The following PHC2 variants were observed in gnomAD, a reference collection of about 807,000 sequenced individuals.
The protein encoded by PHC2 is polyhomeotic-like protein 2.
PHC2 carries 29 observed loss-of-function variants against 87.4 expected under a neutral mutation model. The observed-to-expected ratio is 0.33, with a 90% CI of 0.25 to 0.45. The LOEUF is 0.45. Among genes scored for constraint, PHC2 ranks in the 20% least tolerant of loss-of-function variants. The probability of loss-of-function intolerance (pLI) is 1.00; values close to 1 mark genes in which losing one functional copy is unlikely to be tolerated. For missense variants in PHC2, 857 were observed against 1,136.7 expected (o/e 0.75, Z 3.54); for synonymous variants, 438 against 461.7 (o/e 0.95, Z 0.66).
intron 1 of PHC2, among the ~76,000 whole-genome samples, chr1:33,379,311 CCCCCCACT>C (rs1648349963): frequency 4.3e-5 from 4 of 92,610 alleles, no homozygotes; most frequent in East Asian, 4.7e-4. Context: ...GCCCCCCCAC[CCCCCCACT>C]GCCCCCCTGC....
At chr1:33,411,456 G>T (rs12742446) in intron 1 of PHC2, among the ~76,000 whole-genome samples, 103,859 of 150,390 alleles carry the variant, frequency 0.69, 36,302 homozygotes, top group African/African-American at 0.79. Context: ...GTTTTTTGTT[G>T]TTGTTGTTGT....
At chr1:33,350,152 G>A (rs1480860118) in intron 9 of PHC2, among the ~76,000 whole-genome samples, 6 of 151,760 alleles carry the variant, frequency 4.0e-5, no homozygotes, top group Non-Finnish European at 8.8e-5. Context: ...GGCGGCCCGC[G>A]ACTCCCGCCT....
At chr1:33,430,454 G>A (rs1650861955) in intron 1 of PHC2, among the ~76,000 whole-genome samples, 2 of 152,284 alleles carry the variant, frequency 1.3e-5, no homozygotes, top group South Asian at 4.1e-4. Flanking sequence ...GTCACGCCGC[G>A]GCTGGGGAGC....
intron 7 of PHC2, among the ~76,000 whole-genome samples, chr1:33,361,070 C>G (rs1337904849): frequency 4.6e-5 from 7 of 152,088 alleles, no homozygotes; most frequent in Admixed American, 4.6e-4. Flanking sequence ...CGCCAGGAGG[C>G]AGGGAGGAAA....
chr1:33,357,607 C>T (rs757713453), intron 7 of PHC2, among the ~76,000 whole-genome samples: 4 of 152,092 alleles, frequency 2.6e-5, no homozygotes, highest in Non-Finnish European at 2.9e-5. Flanking sequence ...GGGTTGATGG[C>T]GGAACCTTTG....
intron 7 of PHC2, among the ~76,000 whole-genome samples, chr1:33,357,320 G>T (rs911032564): frequency 3.9e-5 from 6 of 152,176 alleles, no homozygotes; most frequent in Non-Finnish European, 7.3e-5. Context: ...GTTAGGGGAG[G>T]TGCCTTCCTT....
intron 4 of PHC2, 46 bp downstream of exon 4, chr1:33,370,971 G>T: frequency 6.6e-7 from 1 of 1,506,232 alleles, no homozygotes; most frequent in East Asian, 2.3e-5. Context: ...TGGGCATTTT[G>T]GTCCTGGGGC....
At chr1:33,335,254 A>G (rs1268341418) in intron 9 of PHC2, 15 of 984,684 alleles carry the variant, frequency 1.5e-5, no homozygotes, top group Non-Finnish European at 1.8e-5. Flanking sequence ...GACGTGCAAG[A>G]CTTCATCTCC....
At chr1:33,413,676 T>C (rs1650072955) in intron 1 of PHC2, among the ~76,000 whole-genome samples, 2 of 152,216 alleles carry the variant, frequency 1.3e-5, no homozygotes, top group African/African-American at 4.8e-5. Context: ...AGGCTTGTCT[T>C]TGAGCAGCAG....
Position 33,332,232 on chromosome 1 carries a change from G to C in PHC2, c.1891+43C>G. The stretch of plus-strand genomic sequence containing the variant: ...GAAGTGTGTGAGGCCTGCCTTTCCA[G>C]CCACGCTGGGAGGCCGAGAGATTCA... On this transcript the variant is annotated intron_variant, in intron 11 of 14. Transcript: ENST00000683057. The surrounding 1 kb of genome is among the most constrained non-coding windows in gnomAD (Gnocchi z 4.2). The C allele has an allele frequency of 6.2e-7, 1 of 1,612,778 alleles. No homozygotes were observed. Among genetic ancestry groups the C allele is most frequent in the Middle Eastern group, 1.7e-4 (1 of 6,058 alleles).
intron 9 of PHC2, chr1:33,346,633 C>T: frequency 3.0e-6 from 3 of 985,374 alleles, no homozygotes; most frequent in South Asian, 4.7e-5. Flanking sequence ...ACTGGAGTCA[C>T]CAACCTATTC....
chr1:33,337,228 T>C (rs545843990), intron 9 of PHC2, among the ~76,000 whole-genome samples: 1 of 152,256 alleles, frequency 6.6e-6, no homozygotes, highest in African/African-American at 2.4e-5. Context: ...GCTTGAAAAT[T>C]TTCTATAATA....
In PHC2 at chr1:33,349,893, A is replaced by G; in HGVS notation, c.1558+4508T>C. ...CTCGAGGGCTGCAGCCGCCGCGGAG[A>G]CAATGCGGCGAGTCTGGGACGGCTC... On this transcript the variant is annotated intron_variant, in intron 9 of 14. Transcript: ENST00000683057. The surrounding 1 kb of genome is among the most constrained non-coding windows in gnomAD (Gnocchi z 4.2). The G allele has an allele frequency of 1.0e-6, 1 of 974,784 alleles. No homozygotes were observed. The highest frequency in any genetic ancestry group is 1.2e-6 in the Non-Finnish European group (1 of 824,924). 60.4% of individuals were successfully genotyped at this position (974,784 alleles called of 1,614,324 possible). A position where few individuals can be genotyped will look rare whatever the true frequency, so the allele number is the denominator to read the frequency against.
Position 33,324,318 on chromosome 1 carries a change from A to C in PHC2, c.*547T>G, listed in dbSNP as rs1646325816. 1 of 153,084 alleles carries C rather than the reference A, an allele frequency of 6.5e-6. No homozygotes were observed. Among genetic ancestry groups the C allele is most frequent in the Non-Finnish European group, 1.5e-5 (1 of 68,396 alleles). 9.5% of individuals were successfully genotyped at this position (153,084 alleles called of 1,614,324 possible). A position where few individuals can be genotyped will look rare whatever the true frequency, so the allele number is the denominator to read the frequency against. ...CGTTAAGGCGTCTGTGCCAGCAGGCACGGCCCGGCTGGGCCCAGCTTCTCT... is the reference window on the plus strand; with the variant it reads ...CGTTAAGGCGTCTGTGCCAGCAGGCCCGGCCCGGCTGGGCCCAGCTTCTCT... On this transcript the variant is annotated 3_prime_UTR_variant, in exon 15 of 15. Coordinates refer to ENST00000683057, the MANE Select transcript of PHC2 (RefSeq NM_001385109.1).
rs1042148021 is a variant in PHC2, at chr1:33,349,457, G to C, written c.1558+4944C>G. ...CACCTCCCAGGCGCCGCGCGGACGAGAGCCGCGACTGGCACGGCCTGGCAG... is the reference window on the plus strand; with the variant it reads ...CACCTCCCAGGCGCCGCGCGGACGACAGCCGCGACTGGCACGGCCTGGCAG... On this transcript the variant is annotated intron_variant, in intron 9 of 14. Transcript: ENST00000683057. The surrounding 1 kb of genome is among the most constrained non-coding windows in gnomAD (Gnocchi z 4.2). The C allele has an allele frequency of 1.3e-4, 126 of 985,240 alleles. No individual in the cohort carries two copies. The African/African-American group carries it at 1.9e-3, about 15-fold the overall frequency. 61.0% of individuals were successfully genotyped at this position (985,240 alleles called of 1,614,324 possible). A position where few individuals can be genotyped will look rare whatever the true frequency, so the allele number is the denominator to read the frequency against.
intron 1 of PHC2, among the ~76,000 whole-genome samples, chr1:33,415,715 C>G (rs1347537616): frequency 1.3e-5 from 2 of 152,102 alleles, no homozygotes; most frequent in Non-Finnish European, 2.9e-5. Flanking sequence ...GATGAAAGAA[C>G]TAGCAAACAA....
At chr1:33,408,492 G>A (rs761564997) in intron 1 of PHC2, among the ~76,000 whole-genome samples, 1 of 151,912 alleles carries the variant, frequency 6.6e-6, no homozygotes, top group South Asian at 2.1e-4. Context: ...ATGAAGTCTC[G>A]CTCTGTCACC....
At chr1:33,395,978 T>C (rs907031488) in intron 1 of PHC2, among the ~76,000 whole-genome samples, 12 of 152,352 alleles carry the variant, frequency 7.9e-5, no homozygotes, top group African/African-American at 2.2e-4. Context: ...ACTGGACTTA[T>C]GTAGGACACG....
intron 1 of PHC2, among the ~76,000 whole-genome samples, chr1:33,381,197 G>A (rs551915192): frequency 2.0e-5 from 3 of 152,296 alleles, no homozygotes; most frequent in Admixed American, 6.5e-5. Flanking sequence ...GTGCCTGCCT[G>A]TCTCCTAGCA....
Sources: allele counts gnomAD v4.1 joint callset (sites outside exome capture counted in the v4.1 genomes callset), GRCh38; gene constraint gnomAD v4.1.1; non-coding constraint Gnocchi (gnomAD v3.1); transcripts MANE v1.5; gene names NCBI Gene and HGNC (gene_info 2026-07-23, HGNC 2026-07-21).